Variants in ZMYND12 observed in about 807,000 individuals in gnomAD.
ZMYND12 encodes zinc finger MYND domain-containing protein 12.
In ZMYND12, 32 loss-of-function variants were observed where a neutral mutation model predicts 41.7. The ratio of observed to expected loss-of-function variants is 0.77; its 90% CI spans 0.58 to 1.03. ZMYND12 has a LOEUF of 1.03. ZMYND12 is among the 50% of genes least tolerant of loss of function. The pLI is 0.00. For synonymous variants in ZMYND12, 148 were observed against 164.8 expected (o/e 0.90, Z 0.78); for missense variants, 424 against 438.5 (o/e 0.97, Z 0.30).
intron 4 of ZMYND12, among the ~76,000 whole-genome samples, chr1:42,439,478 A>C (rs1642943805): frequency 6.6e-6 from 1 of 152,046 alleles, no homozygotes; most frequent in Non-Finnish European, 1.5e-5. Context: ...GTTGGCCAGG[A>C]CGGTCTCAAT....
intron 5 of ZMYND12, 107 bp downstream of exon 5, chr1:42,436,314 G>T: frequency 6.6e-7 from 1 of 1,503,990 alleles, no homozygotes; most frequent in Non-Finnish European, 9.1e-7. Context: ...TCATCTCTCT[G>T]TGCCTCTCTT....
chr1:42,430,832 G>A lies in ZMYND12; in HGVS notation c.1002C>T (p.Leu334=). 6.2e-7 allele frequency: 1 copy of A among 1,614,190 alleles called. No homozygotes were observed. The highest frequency in any genetic ancestry group is 1.1e-5 in the South Asian group (1 of 91,072). Residue 334 remains leucine (L), a synonymous_variant, in exon 8 of 8, where the codon CTC becomes CTT. Coordinates refer to ENST00000372565, the MANE Select transcript of ZMYND12 (RefSeq NM_032257.5). ...SKAQEYGMRA[L]SLAKEQQLDV... ...CAAGCTGTTGTTCTTTGGCTAGACT[G>A]AGGGCCCTCATGCCATATTCCTGTG...
At chr1:42,442,093 G>T (rs1017598385) in intron 3 of ZMYND12, among the ~76,000 whole-genome samples, 2 of 152,090 alleles carry the variant, frequency 1.3e-5, no homozygotes, top group Non-Finnish European at 2.9e-5. Flanking sequence ...AGAAAATGAG[G>T]CTATGGTGGT....
rs1643058125 is a variant in ZMYND12 at position 42,449,376 on chromosome 1, A to G, written c.252+542T>C. 2.6e-5 allele frequency among the ~76,000 whole-genome samples: 4 copies of G among 152,186 alleles called. No homozygotes were observed. In the South Asian group the frequency reaches 8.3e-4, roughly 32 times the overall value. On this transcript the variant is annotated intron_variant, in intron 2 of 7. Transcript: ENST00000372565. Reference sequence around the variant, plus strand: ...TCCCCTGCCAAAATTCATGTGTTGAAGCCCTATCCTGCAGTCTGTCACATG... The same window carrying G: ...TCCCCTGCCAAAATTCATGTGTTGAGGCCCTATCCTGCAGTCTGTCACATG...
At chr1:42,448,331 T>TA (rs1444040781) in intron 3 of ZMYND12, 136 bp downstream of exon 3, 1 of 1,087,360 alleles carries the variant, frequency 9.2e-7, no homozygotes, top group African/African-American at 1.6e-5. Context: ...TACCTTGTGC[T>TA]AAACTTTACA....
intron 1 of ZMYND12, among the ~76,000 whole-genome samples, chr1:42,454,605 A>G (rs1306124377): frequency 6.6e-6 from 1 of 152,164 alleles, no homozygotes; most frequent in Non-Finnish European, 1.5e-5. Flanking sequence ...ATGGTTTCCC[A>G]GGAGATAAAT....
intron 7 of ZMYND12, among the ~76,000 whole-genome samples, chr1:42,431,563 T>C (rs900881585): frequency 3.9e-5 from 6 of 152,116 alleles, no homozygotes; most frequent in Non-Finnish European, 8.8e-5. Context: ...CTGAGTCAAG[T>C]GAAGGCCTGA....
At chr1:42,435,482 A>G in intron 5 of ZMYND12, 97 bp from the exon 6 acceptor site, 1 of 926,864 alleles carries the variant, frequency 1.1e-6, no homozygotes, top group East Asian at 2.5e-5. Flanking sequence ...GGGCTTCTGG[A>G]CAACCTGGAG....
At chr1:42,455,662 A>G (rs1338396290) in intron 1 of ZMYND12, among the ~76,000 whole-genome samples, 1 of 152,228 alleles carries the variant, frequency 6.6e-6, no homozygotes, top group Non-Finnish European at 1.5e-5. Flanking sequence ...TTTAGCACCT[A>G]AAATAGTGCA....
chr1:42,454,704 C>CTTTTT (rs35101875), intron 1 of ZMYND12, among the ~76,000 whole-genome samples: 2 of 143,240 alleles, frequency 1.4e-5, no homozygotes, highest in African/African-American at 5.1e-5. Flanking sequence ...GATGTTCCAA[C>CTTTTT]TTTTTTTTTT....
intron 1 of ZMYND12, 133 bp from the exon 2 acceptor site, chr1:42,450,192 A>G (rs953529112): frequency 1.1e-6 from 1 of 940,666 alleles, no homozygotes; most frequent in Non-Finnish European, 1.6e-6. Flanking sequence ...GCTCAAAGCC[A>G]TTTCTGAGAC....
intron 6 of ZMYND12, among the ~76,000 whole-genome samples, chr1:42,434,377 A>T (rs1200635793): frequency 6.6e-6 from 1 of 152,192 alleles, no homozygotes; most frequent in East Asian, 1.9e-4. Context: ...GAAATCAGCA[A>T]TGCACCTTCT....
chr1:42,433,021 T>G, intron 7 of ZMYND12, 122 bp downstream of exon 7: 1 of 1,258,904 alleles, frequency 7.9e-7, no homozygotes, highest in Non-Finnish European at 1.1e-6. Context: ...CTGAACCTCT[T>G]TGGAGTGAGG....
intron 2 of ZMYND12, 100 bp downstream of exon 2, chr1:42,449,818 C>A (rs1284131199): frequency 6.9e-7 from 1 of 1,444,348 alleles, no homozygotes; most frequent in Non-Finnish European, 9.4e-7. Context: ...CTCTGCCCTC[C>A]GTGAGGTTAC....
At chr1:42,449,411 G>A (rs1162870268) in intron 2 of ZMYND12, among the ~76,000 whole-genome samples, 1 of 152,150 alleles carries the variant, frequency 6.6e-6, no homozygotes, top group African/African-American at 2.4e-5. Flanking sequence ...GACTATAATT[G>A]GAGCTAGGGC....
At position 42,433,164 on chromosome 1, in the gene ZMYND12, G is replaced by A. The variant is rs184976023; in HGVS notation, c.954C>T (p.Tyr318=). 4 of 1,610,356 alleles carry A rather than the reference G, an allele frequency of 2.5e-6. No homozygotes were observed. The highest frequency in any genetic ancestry group is 4.5e-5 in the East Asian group (2 of 44,708). Residue 318 remains tyrosine (Y), a synonymous_variant, in exon 7 of 8, where the codon TAC becomes TAT. Coordinates refer to ENST00000372565, the MANE Select transcript of ZMYND12 (RefSeq NM_032257.5). ...TTGCCTTTGAAGAATTCATCATCAG[G>A]TAGTAAAACATGACCAGGATCTTCA... ...FVLKILVMFY[Y]LMMNSSKAQE...
chr1:42,431,386 G>A (rs2148403289), intron 7 of ZMYND12, among the ~76,000 whole-genome samples: 1 of 152,168 alleles, frequency 6.6e-6, no homozygotes, highest in Non-Finnish European at 1.5e-5. Context: ...TAGTAGGGGA[G>A]AAAGACAATA....
chr1:42,433,185 C>T lies in ZMYND12; in HGVS notation c.933G>A (p.Lys311=). The T allele has an allele frequency of 1.2e-6, 2 of 1,609,734 alleles. No individual in the cohort carries two copies. The highest frequency in any genetic ancestry group is 1.7e-6 in the Non-Finnish European group (2 of 1,178,218). ...TCAGGTAGTAAAACATGACCAGGAT[C>T]TTCAGAACAAAGATGGTTTTTTGGG... is the stretch of plus-strand genomic sequence containing the variant. The part of the protein sequence containing the change: ...KAPQKTIFVL[K]ILVMFYYLMM... Residue 311 remains lysine, a synonymous_variant, in exon 7 of 8, where the codon AAG becomes AAA. Transcript: ENST00000372565.
rs183612855 is a variant in ZMYND12 at position 42,433,819 on chromosome 1, C to G, written c.830-531G>C. Among the ~76,000 whole-genome samples the G allele has an allele frequency of 3.3e-5, 5 of 152,258 alleles. No homozygotes were observed. In the East Asian group the frequency reaches 9.7e-4, roughly 29 times the overall value. On this transcript the variant is annotated intron_variant, in intron 6 of 7. Coordinates refer to ENST00000372565, the MANE Select transcript of ZMYND12 (RefSeq NM_032257.5). The stretch of plus-strand genomic sequence containing the variant: ...ACTATTTTCCCCAGTAGTTTTTGGT[C>G]CTACTTTAGTCATCATTTACTGAGA...
Sources: allele counts gnomAD v4.1 joint callset (sites outside exome capture counted in the v4.1 genomes callset), GRCh38; gene constraint gnomAD v4.1.1; transcripts MANE v1.5; gene names NCBI Gene and HGNC (gene_info 2026-07-23, HGNC 2026-07-21).